GALNT2: variants seen among roughly 807,000 people sequenced by gnomAD.
GALNT2 encodes polypeptide N-acetylgalactosaminyltransferase 2.
Under a neutral mutation model 81.4 loss-of-function variants are expected in GALNT2, and 31 were observed. The observed-to-expected ratio is 0.38, with a 90% CI of 0.29 to 0.51. The LOEUF is 0.51. Ranked by LOEUF, GALNT2 falls within the 20% of genes least tolerant of loss-of-function variation. GALNT2 has a pLI of 0.87. For missense variants in GALNT2, 629 were observed against 765.7 expected, an observed-to-expected ratio of 0.82 and a Z score of 2.11; for synonymous variants, 303 against 287.4, an observed-to-expected ratio of 1.05 and a Z score of -0.55.
intron 10 of GALNT2, among the ~76,000 whole-genome samples, chr1:230,253,387 T>A (rs142856534): frequency 1.3e-5 from 2 of 152,282 alleles, no homozygotes; most frequent in East Asian, 3.9e-4. Flanking sequence ...TGCCTGGCAT[T>A]CTGGGCACCT....
At chr1:230,231,636 TC>T (rs1186865161) in intron 3 of GALNT2, among the ~76,000 whole-genome samples, 2 of 152,180 alleles carry the variant, frequency 1.3e-5, no homozygotes, top group African/African-American at 4.8e-5. Context: ...TGGTTTAGAT[TC>T]ACCAGTTTTT....
chr1:230,183,892 C>T (rs367976941), intron 2 of GALNT2, among the ~76,000 whole-genome samples: 28 of 151,820 alleles, frequency 1.8e-4, no homozygotes, highest in African/African-American at 6.5e-4. Context: ...GCAGGAGAAT[C>T]GCTGGAACCT....
At chr1:230,246,029 G>A (rs1289042450) in intron 7 of GALNT2, 34 bp from the exon 8 acceptor site, 1 of 1,578,250 alleles carries the variant, frequency 6.3e-7, no homozygotes, top group Admixed American at 1.7e-5. Context: ...GTTTTGCTGG[G>A]ATTTTGATAA....
At chr1:230,109,070 T>C (rs1460536856) in intron 1 of GALNT2, among the ~76,000 whole-genome samples, 2 of 152,228 alleles carry the variant, frequency 1.3e-5, no homozygotes, top group Admixed American at 1.3e-4. Flanking sequence ...TATCCTACTC[T>C]TCTCTATCTC....
intron 11 of GALNT2, chr1:230,258,558 A>G (rs1403487916): frequency 6.6e-6 from 1 of 152,172 alleles, no homozygotes; most frequent in Non-Finnish European, 1.5e-5. Flanking sequence ...AGATTATACA[A>G]TACACCTATT....
At chr1:230,252,843 CTTTT>C (rs58544942) in intron 10 of GALNT2, among the ~76,000 whole-genome samples, 6 of 78,944 alleles carry the variant, frequency 7.6e-5, no homozygotes, top group African/African-American at 1.0e-4. Flanking sequence ...GAGACAACTT[CTTTT>C]TTTTTTTTTT....
At chr1:230,238,419 G>A (rs1332750935) in intron 6 of GALNT2, among the ~76,000 whole-genome samples, 2 of 152,122 alleles carry the variant, frequency 1.3e-5, no homozygotes, top group Non-Finnish European at 2.9e-5. Flanking sequence ...TGGGGTGTGG[G>A]CAGCTGCATT....
At chr1:230,149,476 A>AG in intron 1 of GALNT2, among the ~76,000 whole-genome samples, 1 of 152,184 alleles carries the variant, frequency 6.6e-6, no homozygotes, top group Non-Finnish European at 1.5e-5. Context: ...CGTTGAGGGC[A>AG]GCAAGATTTC....
intron 3 of GALNT2, among the ~76,000 whole-genome samples, chr1:230,212,243 C>T (rs777675498): frequency 2.4e-4 from 36 of 152,056 alleles, no homozygotes; most frequent in Non-Finnish European, 3.4e-4. Context: ...CCTTACTGTC[C>T]GCTCTTCAGA....
intron 14 of GALNT2, among the ~76,000 whole-genome samples, chr1:230,267,001 C>CACAG (rs1158765396): frequency 0.043 from 6,408 of 149,490 alleles, 422 homozygotes; most frequent in African/African-American, 0.14. Context: ...CACACACACA[C>CACAG]ACACACACAC....
intron 11 of GALNT2, chr1:230,259,803 A>G (rs561230411): frequency 1.3e-5 from 2 of 152,358 alleles, no homozygotes; most frequent in East Asian, 1.9e-4. Flanking sequence ...ACGTTCTGCA[A>G]TGGTGATGTT....
intron 2 of GALNT2, among the ~76,000 whole-genome samples, chr1:230,178,885 C>T (rs536298106): frequency 4.1e-4 from 62 of 152,216 alleles, no homozygotes; most frequent in Admixed American, 3.6e-3. Flanking sequence ...CATACAGAGT[C>T]GTTTCACTGC....
rs1277969296 is a variant in GALNT2 at position 230,213,678 on chromosome 1, CTCT to C, written c.374+10390_374+10392del. Among the ~76,000 whole-genome samples, 9 of 152,298 alleles carry C rather than the reference CTCT, an allele frequency of 5.9e-5. No individual in the cohort carries two copies. The East Asian group carries it at 7.7e-4, about 13-fold the overall frequency. ...ACACCAACATCTCACTGGTTGTGTTCTCTTAGTTCCACCTGCTTTGTGTTTCTT... is the reference window on the plus strand; with the variant it reads ...ACACCAACATCTCACTGGTTGTGTTCTAGTTCCACCTGCTTTGTGTTTCTT... On this transcript the variant is annotated intron_variant, in intron 3 of 15. Coordinates refer to ENST00000366672, the MANE Select transcript of GALNT2 (RefSeq NM_004481.5).
rs571809025 is a variant in GALNT2 at position 230,243,575 on chromosome 1, T to C, written c.729+148T>C. ...GCTCGCCGTCTGCAGTTTTCCTTGA[T>C]AGAAGGAAAATGCCTTTGGGGCATT... On this transcript the variant is annotated intron_variant, in intron 7 of 15. Coordinates refer to ENST00000366672, the MANE Select transcript of GALNT2 (RefSeq NM_004481.5). The surrounding 1 kb of genome is among the most constrained non-coding windows in gnomAD (Gnocchi z 4.2). 15 of 1,021,370 alleles carry C rather than the reference T, an allele frequency of 1.5e-5. No individual in the cohort carries two copies. The East Asian group carries it at 3.3e-4, about 22-fold the overall frequency. The allele number at this position is 1,021,370 out of a possible 1,614,324, so 63.3% of individuals were successfully genotyped here.
chr1:230,260,797 GTA>G (rs1160442419), intron 11 of GALNT2, among the ~76,000 whole-genome samples: 1 of 152,176 alleles, frequency 6.6e-6, no homozygotes, highest in Non-Finnish European at 1.5e-5. Flanking sequence ...TAGAGAGAAA[GTA>G]AAAATTCATC....
At position 230,243,027 on chromosome 1, in the gene GALNT2, A is replaced by G. The variant is rs923334607; in HGVS notation, c.608-279A>G. On this transcript the variant is annotated intron_variant, in intron 6 of 15. Transcript: ENST00000366672. This position sits in a 1 kb window ranked among gnomAD's most constrained non-coding sequence, Gnocchi z 4.2. ...AAAAGTTCCACATTTTGGTTAGTTG[A>G]TAAAGGAGACTTCAGTAATGTAAAG... is the stretch of plus-strand genomic sequence containing the variant. 6.6e-6 allele frequency among the ~76,000 whole-genome samples: 1 copy of G among 152,236 alleles called. No individual in the cohort carries two copies. Among genetic ancestry groups the G allele is most frequent in the Non-Finnish European group, 1.5e-5 (1 of 68,044 alleles).
At chr1:230,182,916 A>G (rs1234552588) in intron 2 of GALNT2, among the ~76,000 whole-genome samples, 1 of 152,176 alleles carries the variant, frequency 6.6e-6, no homozygotes, top group Admixed American at 6.5e-5. Flanking sequence ...TTTATGCCTC[A>G]TGCATTTTTA....
At chr1:230,172,928 G>A (rs1052603092) in intron 1 of GALNT2, among the ~76,000 whole-genome samples, 1 of 152,206 alleles carries the variant, frequency 6.6e-6, no homozygotes, top group Non-Finnish European at 1.5e-5. Flanking sequence ...TGTGCTCTCT[G>A]ATTATGGCAG....
intron 1 of GALNT2, among the ~76,000 whole-genome samples, chr1:230,081,192 T>G (rs1379883721): frequency 6.6e-6 from 1 of 152,172 alleles, no homozygotes; most frequent in Non-Finnish European, 1.5e-5. Context: ...TGCTTCTTCC[T>G]TGGGTGGGGA....
Sources: allele counts gnomAD v4.1 joint callset (sites outside exome capture counted in the v4.1 genomes callset), GRCh38; gene constraint gnomAD v4.1.1; non-coding constraint Gnocchi (gnomAD v3.1); transcripts MANE v1.5; gene names NCBI Gene and HGNC (gene_info 2026-07-23, HGNC 2026-07-21).